The following DOK6 variants were observed in gnomAD, a reference collection of about 807,000 sequenced individuals.
DOK6 encodes docking protein 6, also known as downstream of tyrosine kinase 6.
In DOK6, 22 loss-of-function variants were observed where a neutral mutation model predicts 44.0. That is an observed-to-expected ratio of 0.50 (90% confidence interval 0.36 to 0.71). The LOEUF is 0.71. DOK6 is among the 30% of genes least tolerant of loss of function. The probability of loss-of-function intolerance (pLI) is 0.00; values close to 1 mark genes in which losing one functional copy is unlikely to be tolerated. For missense variants in DOK6, 340 were observed against 416.4 expected, an observed-to-expected ratio of 0.82 and a Z score of 1.60; for synonymous variants, 166 against 145.5, an observed-to-expected ratio of 1.14 and a Z score of -1.01.
intron 1 of DOK6, among the ~76,000 whole-genome samples, chr18:69,545,327 A>G (rs528509621): frequency 2.2e-4 from 33 of 150,080 alleles, no homozygotes; most frequent in African/African-American, 6.8e-4. Context: ...GGGCAGGTGT[A>G]CTCTACAACT....
chr18:69,428,927 T>TA (rs1425942297), intron 1 of DOK6, among the ~76,000 whole-genome samples: 2 of 152,224 alleles, frequency 1.3e-5, no homozygotes, highest in Non-Finnish European at 2.9e-5. Flanking sequence ...TATAGGCACC[T>TA]ACGTGATACG....
intron 5 of DOK6, among the ~76,000 whole-genome samples, chr18:69,711,662 A>G (rs537106282): frequency 8.1e-4 from 124 of 152,288 alleles, no homozygotes; most frequent in African/African-American, 2.8e-3. Flanking sequence ...AGGGCATCAC[A>G]TATTTATTTG....
At chr18:69,487,327 T>C (rs1980611501) in intron 1 of DOK6, among the ~76,000 whole-genome samples, 1 of 151,962 alleles carries the variant, frequency 6.6e-6, no homozygotes, top group East Asian at 1.9e-4. Flanking sequence ...ATTTTATAAA[T>C]CCAGTGGTCA....
chr18:69,693,493 T>A (rs1986314955), intron 4 of DOK6, among the ~76,000 whole-genome samples: 1 of 152,146 alleles, frequency 6.6e-6, no homozygotes, highest in Non-Finnish European at 1.5e-5. Context: ...ATATATATAT[T>A]TCTACTTAGT....
intron 6 of DOK6, among the ~76,000 whole-genome samples, chr18:69,741,128 GAC>G (rs1421435168): frequency 2.6e-5 from 4 of 152,188 alleles, no homozygotes; most frequent in Admixed American, 2.0e-4. Flanking sequence ...TCAGTGCTGA[GAC>G]AGAGATAGAA....
At position 69,843,343 on chromosome 18, in the gene DOK6, G is replaced by C. The variant is rs1291871351; in HGVS notation, c.*1960G>C. On this transcript the variant is annotated 3_prime_UTR_variant, in exon 8 of 8. Coordinates refer to ENST00000382713, the MANE Select transcript of DOK6 (RefSeq NM_152721.6). ...ACACTTGTGAATTTCTTTTGCACAT[G>C]GCATTTGCTTTTGAAATGCCTTTAG... 6.6e-6 allele frequency: 1 copy of C among 152,204 alleles called. No homozygotes were observed. Among genetic ancestry groups the C allele is most frequent in the Non-Finnish European group, 1.5e-5 (1 of 68,048 alleles). 9.4% of individuals were successfully genotyped at this position (152,204 alleles called of 1,614,324 possible).
rs554609293 is a variant in DOK6 at position 69,711,157 on chromosome 18, A to G, written c.599+12564A>G. Among the ~76,000 whole-genome samples the G allele has an allele frequency of 2.2e-4, 34 of 152,332 alleles. 1 individual carries two copies. Among genetic ancestry groups the G allele is most frequent in the Middle Eastern group, 6.8e-3 (2 of 294 alleles). On this transcript the variant is annotated intron_variant, in intron 5 of 7. Transcript: ENST00000382713. ...TTATAAGACACCTCCAATTCATATC[A>G]TTAGAGGAGCAAAGAAAACAAATGC... is the stretch of plus-strand genomic sequence containing the variant.
chr18:69,447,052 A>C (rs1446283403), intron 1 of DOK6, among the ~76,000 whole-genome samples: 1 of 152,100 alleles, frequency 6.6e-6, no homozygotes, highest in Non-Finnish European at 1.5e-5. Context: ...GAAGCTTGTT[A>C]ATTTAATTAG....
chr18:69,528,248 G>A (rs965270259), intron 1 of DOK6, among the ~76,000 whole-genome samples: 3 of 150,876 alleles, frequency 2.0e-5, no homozygotes, highest in African/African-American at 7.3e-5. Flanking sequence ...CATATCTCTA[G>A]AAAGAATGTT....
At chr18:69,474,138 T>C (rs1980194910) in intron 1 of DOK6, among the ~76,000 whole-genome samples, 1 of 152,194 alleles carries the variant, frequency 6.6e-6, no homozygotes, top group South Asian at 2.1e-4. Flanking sequence ...TTTTATTATA[T>C]GTGTCCTTGG....
chr18:69,848,354 A>C lies in DOK6; in HGVS notation c.*6971A>C, dbSNP rs866429135. 4 of 152,188 alleles carry C rather than the reference A, an allele frequency of 2.6e-5. No individual in the cohort carries two copies. Among genetic ancestry groups the C allele is most frequent in the African/African-American group, 7.2e-5 (3 of 41,446 alleles). 9.4% of individuals were successfully genotyped at this position (152,188 alleles called of 1,614,324 possible). ...TTGGACATTAGGCCCTTGTTAAGAA[A>C]TAAAACACCCATTATAAATTTGCTT... On this transcript the variant is annotated 3_prime_UTR_variant, in exon 8 of 8. Coordinates refer to ENST00000382713, the MANE Select transcript of DOK6 (RefSeq NM_152721.6).
chr18:69,622,482 G>A (rs1015659434), intron 3 of DOK6, among the ~76,000 whole-genome samples: 12 of 152,170 alleles, frequency 7.9e-5, no homozygotes, highest in African/African-American at 2.9e-4. Flanking sequence ...TGTGAAATAA[G>A]CAACAGGATT....
intron 1 of DOK6, among the ~76,000 whole-genome samples, chr18:69,419,305 T>A (rs1978420862): frequency 6.6e-6 from 1 of 152,178 alleles, no homozygotes; most frequent in African/African-American, 2.4e-5. Context: ...CTCATGGTTT[T>A]AACTAGTCAC....
chr18:69,525,461 A>G (rs187426122), intron 1 of DOK6, among the ~76,000 whole-genome samples: 16 of 152,166 alleles, frequency 1.1e-4, no homozygotes, highest in Admixed American at 1.0e-3. Context: ...GGTAATTGTT[A>G]TAGAGAAATG....
intron 5 of DOK6, among the ~76,000 whole-genome samples, chr18:69,708,285 T>G (rs1455565515): frequency 6.6e-6 from 1 of 152,186 alleles, no homozygotes; most frequent in Non-Finnish European, 1.5e-5. Flanking sequence ...CCTAGGGCAA[T>G]ATTGTCTGAG....
At chr18:69,617,888 G>C (rs900888029) in intron 3 of DOK6, among the ~76,000 whole-genome samples, 3 of 152,104 alleles carry the variant, frequency 2.0e-5, no homozygotes, top group Non-Finnish European at 4.4e-5. Context: ...ACCTGTGAAT[G>C]TGACATTATG....
At chr18:69,485,696 G>T (rs541965400) in intron 1 of DOK6, among the ~76,000 whole-genome samples, 2 of 152,050 alleles carry the variant, frequency 1.3e-5, no homozygotes, top group Non-Finnish European at 2.9e-5. Flanking sequence ...ATACAAATTG[G>T]TAGGAAATTT....
intron 2 of DOK6, among the ~76,000 whole-genome samples, chr18:69,582,039 G>A (rs1036305662): frequency 6.6e-6 from 1 of 152,166 alleles, no homozygotes; most frequent in Non-Finnish European, 1.5e-5. Context: ...GAACAAAAAA[G>A]ATCCTGTTTG....
At chr18:69,649,359 A>G (rs76672930) in intron 3 of DOK6, among the ~76,000 whole-genome samples, 2,642 of 152,334 alleles carry the variant, frequency 0.017, 38 homozygotes, top group Non-Finnish European at 0.027. Flanking sequence ...TCAGAGATCT[A>G]AAAAATGACA....
Sources: gnomAD v4.1 joint callset for allele counts (sites outside exome capture counted in the v4.1 genomes callset) on GRCh38, gnomAD v4.1.1 for gene constraint, MANE v1.5 for transcripts, NCBI Gene and HGNC (gene_info 2026-07-23, HGNC 2026-07-21) for gene names.